Variants in TMEM248 observed in about 807,000 individuals in gnomAD.
The protein encoded by TMEM248 is transmembrane protein 248, also known as UPF0458 protein C7orf42.
TMEM248 carries 9 observed loss-of-function variants against 30.3 expected under a neutral mutation model. The ratio of observed to expected loss-of-function variants is 0.30; its 90% CI spans 0.18 to 0.52. TMEM248 has a LOEUF of 0.52. Among genes scored for constraint, TMEM248 ranks in the 20% least tolerant of loss-of-function variants. The pLI is 0.97. For synonymous variants in TMEM248, 184 were observed against 154.4 expected, an observed-to-expected ratio of 1.19 and a Z score of -1.42; for missense variants, 338 against 403.3, an observed-to-expected ratio of 0.84 and a Z score of 1.39.
chr7:66,950,222 A>C lies in TMEM248; in HGVS notation c.597-730A>C, dbSNP rs1205557006. Among the ~76,000 whole-genome samples, 5 of 152,166 alleles carry C rather than the reference A, an allele frequency of 3.3e-5. No homozygotes were observed. In the East Asian group the frequency reaches 9.6e-4, roughly 29 times the overall value. ...CAGAGCAAGACTCCGTCTCAAAAAA[A>C]AAAAAAAAGATGATATAGTTTGGCT... is the stretch of plus-strand genomic sequence containing the variant. On this transcript the variant is annotated intron_variant, in intron 4 of 6. Transcript: ENST00000341567.
chr7:66,924,491 G>A (rs1172391607), intron 1 of TMEM248, among the ~76,000 whole-genome samples: 2 of 152,060 alleles, frequency 1.3e-5, no homozygotes, highest in African/African-American at 4.8e-5. Flanking sequence ...TGCAACCTCC[G>A]CCTTCCGGGT....
At position 66,945,222 on chromosome 7, in the gene TMEM248, C is replaced by A; in HGVS notation, c.406C>A (p.Leu136Met). Residue 136 changes from leucine to methionine, a missense_variant, in exon 3 of 7, where the codon CTG becomes ATG. Transcript: ENST00000341567. ...FGGYSRNVTH[L>M]YSTILGHQIG... ...AGGGTATTCCCGCAACGTCACCCAT[C>A]TGTACTCAACCATCTTAGGGCATCA... 6.2e-7 allele frequency: 1 copy of A among 1,614,234 alleles called. No homozygotes were observed. Among genetic ancestry groups the A allele is most frequent in the Non-Finnish European group, 8.5e-7 (1 of 1,180,040 alleles).
chr7:66,950,830 T>G, intron 4 of TMEM248, 122 bp from the exon 5 acceptor site: 1 of 691,522 alleles, frequency 1.4e-6, no homozygotes, highest in Non-Finnish European at 2.2e-6. Flanking sequence ...AACGTGTAAG[T>G]TACATTTTTC....
chr7:66,939,548 G>GC (rs909348134), intron 1 of TMEM248, among the ~76,000 whole-genome samples: 7 of 152,150 alleles, frequency 4.6e-5, no homozygotes, highest in Non-Finnish European at 5.9e-5. Flanking sequence ...ATTGCTTTTT[G>GC]CTAATGTTGT....
intron 1 of TMEM248, among the ~76,000 whole-genome samples, chr7:66,927,321 C>A (rs757655734): frequency 1.1e-4 from 17 of 152,082 alleles, no homozygotes; most frequent in Non-Finnish European, 2.4e-4. Flanking sequence ...TGGTTCCAGA[C>A]ATGTAATTAT....
intron 2 of TMEM248, among the ~76,000 whole-genome samples, chr7:66,943,279 C>A (rs1277301343): frequency 6.6e-6 from 1 of 152,212 alleles, no homozygotes; most frequent in African/African-American, 2.4e-5. Context: ...GAGCTTGAGT[C>A]CATGTTGAGC....
intron 4 of TMEM248, among the ~76,000 whole-genome samples, chr7:66,949,352 TGG>T (rs1562944410): frequency 6.6e-6 from 1 of 152,076 alleles, no homozygotes; most frequent in Admixed American, 6.6e-5. Context: ...CCAGGCATGA[TGG>T]CACATGTCTG....
intron 1 of TMEM248, among the ~76,000 whole-genome samples, chr7:66,935,768 T>G (rs1791786025): frequency 6.6e-6 from 1 of 152,210 alleles, no homozygotes; most frequent in African/African-American, 2.4e-5. Flanking sequence ...GGTCTCGAAC[T>G]CCTGGCTTCA....
At position 66,955,831 on chromosome 7, in the gene TMEM248, C is replaced by G; in HGVS notation, c.*309C>G. The stretch of plus-strand genomic sequence containing the variant: ...AGAAGGATTCCTGGATCTAGCTGGT[C>G]ACGACGATGTTTTCACCAAGGTCAC... On this transcript the variant is annotated 3_prime_UTR_variant, in exon 7 of 7. Coordinates refer to ENST00000341567, the MANE Select transcript of TMEM248 (RefSeq NM_017994.5). The G allele has an allele frequency of 2.8e-6, 1 of 363,040 alleles. No homozygotes were observed. Among genetic ancestry groups the G allele is most frequent in the Non-Finnish European group, 4.9e-6 (1 of 202,042 alleles). The allele number at this position is 363,040 out of a possible 1,614,324, so 22.5% of individuals were successfully genotyped here. A position where few individuals can be genotyped will look rare whatever the true frequency, so the allele number is the denominator to read the frequency against.
intron 1 of TMEM248, among the ~76,000 whole-genome samples, chr7:66,923,307 G>T (rs1192018319): frequency 1.3e-5 from 2 of 151,742 alleles, no homozygotes; most frequent in Non-Finnish European, 2.9e-5. Context: ...CACCACGCCT[G>T]GCTAATTTTT....
chr7:66,934,916 A>T (rs184738486), intron 1 of TMEM248, among the ~76,000 whole-genome samples: 328 of 152,024 alleles, frequency 2.2e-3, no homozygotes, highest in Non-Finnish European at 2.3e-3. Context: ...TTAGCCAGGC[A>T]TGTTGGCATG....
chr7:66,945,367 T>C (rs1350904905), intron 3 of TMEM248, 106 bp downstream of exon 3: 1 of 1,262,280 alleles, frequency 7.9e-7, no homozygotes, highest in African/African-American at 1.5e-5. Flanking sequence ...GATTGTAGTC[T>C]TGCGCGTGTC....
At chr7:66,936,494 G>A (rs1463893597) in intron 1 of TMEM248, among the ~76,000 whole-genome samples, 1 of 152,084 alleles carries the variant, frequency 6.6e-6, no homozygotes, top group Non-Finnish European at 1.5e-5. Context: ...ATCTTCATCA[G>A]GGATATCTGC....
At chr7:66,941,819 C>G in intron 1 of TMEM248, 29 bp from the exon 2 acceptor site, 1 of 1,575,150 alleles carries the variant, frequency 6.3e-7, no homozygotes, top group East Asian at 2.3e-5. Flanking sequence ...GCAAGTCAGT[C>G]CTTGAAGCTT....
At position 66,955,698 on chromosome 7, in the gene TMEM248, G is replaced by T. The variant is rs1792384058; in HGVS notation, c.*176G>T. ...GTACATATTTATAAAAATCTATTCA[G>T]AAATTGGTCCAATAATGCACGTGCT... On this transcript the variant is annotated 3_prime_UTR_variant, in exon 7 of 7. Transcript: ENST00000341567. The T allele has an allele frequency of 3.6e-6, 3 of 837,952 alleles. No individual in the cohort carries two copies. The highest frequency in any genetic ancestry group is 5.9e-5 in the Admixed American group (2 of 33,678). 51.9% of individuals were successfully genotyped at this position (837,952 alleles called of 1,614,324 possible). A position where few individuals can be genotyped will look rare whatever the true frequency, so the allele number is the denominator to read the frequency against.
chr7:66,929,957 T>G (rs1156407296), intron 1 of TMEM248, among the ~76,000 whole-genome samples: 3 of 151,940 alleles, frequency 2.0e-5, no homozygotes, highest in East Asian at 3.9e-4. Flanking sequence ...CCCAGGAGTT[T>G]GAGACCAGCC....
intron 1 of TMEM248, among the ~76,000 whole-genome samples, chr7:66,932,549 T>A (rs1323041065): frequency 1.3e-5 from 2 of 151,378 alleles, no homozygotes; most frequent in African/African-American, 2.4e-5. Flanking sequence ...GGAGTCTTAG[T>A]CTGACACCCA....
intron 1 of TMEM248, among the ~76,000 whole-genome samples, chr7:66,936,752 G>A (rs1232817715): frequency 1.3e-5 from 2 of 152,134 alleles, no homozygotes; most frequent in Non-Finnish European, 2.9e-5. Flanking sequence ...GCAGTTGCTC[G>A]TGGTAGCCTG....
Position 66,951,004 on chromosome 7 carries a change from A to G in TMEM248, c.649A>G (p.Lys217Glu). 1.2e-6 allele frequency: 2 copies of G among 1,612,026 alleles called. No individual in the cohort carries two copies. The highest frequency in any genetic ancestry group is 1.3e-5 in the African/African-American group (1 of 74,914). Residue 217 changes from lysine to glutamate, a missense_variant, in exon 5 of 7, where the codon AAG becomes GAG. Transcript: ENST00000341567. ...DTYSNATLWY[K>E]IFTTARDANT... Reference sequence around the variant, plus strand: ...GTACAGCAACGCCACGCTCTGGTACAAGATCTTCACAACTGCCAGAGATGC... The same window carrying G: ...GTACAGCAACGCCACGCTCTGGTACGAGATCTTCACAACTGCCAGAGATGC...
Sources: allele counts gnomAD v4.1 joint callset (sites outside exome capture counted in the v4.1 genomes callset), GRCh38; gene constraint gnomAD v4.1.1; transcripts MANE v1.5; gene names NCBI Gene and HGNC (gene_info 2026-07-23, HGNC 2026-07-21).